The following ADCK1 variants were observed in gnomAD, a reference collection of about 807,000 sequenced individuals.
ADCK1 encodes the protein aarF domain-containing protein kinase 1.
A neutral mutation model predicts 52.3 loss-of-function variants in ADCK1; 41 were observed. The observed-to-expected ratio is 0.78, with a 90% CI of 0.61 to 1.02. ADCK1 has a LOEUF of 1.02. ADCK1 is among the 50% of genes least tolerant of loss of function. ADCK1 has a pLI of 0.00. For missense variants in ADCK1, 658 were observed against 679.5 expected (o/e 0.97, Z 0.35); for synonymous variants, 250 against 274.6 (o/e 0.91, Z 0.89).
chr14:77,916,308 G>A (rs2083923405), intron 7 of ADCK1, among the ~76,000 whole-genome samples: 1 of 151,920 alleles, frequency 6.6e-6, no homozygotes, highest in Admixed American at 6.6e-5. Context: ...TCTCTGGCCA[G>A]AGAGACTCAT....
In ADCK1 at chr14:77,907,784, C is replaced by T. The variant is rs2083700486; in HGVS notation, c.742-19C>T. Reference sequence around the variant, plus strand: ...TCCCAGCTTCCCCAGACCATCTGACCTGTCCCTTCCTATCCCAGGTCCCCC... The same window carrying T: ...TCCCAGCTTCCCCAGACCATCTGACTTGTCCCTTCCTATCCCAGGTCCCCC... On this transcript the variant is annotated intron_variant, in intron 6 of 10. Transcript: ENST00000238561. 6.3e-7 allele frequency: 1 copy of T among 1,597,164 alleles called. No individual in the cohort carries two copies. The highest frequency in any genetic ancestry group is 8.6e-7 in the Non-Finnish European group (1 of 1,166,718).
At position 77,907,851 on chromosome 14, in the gene ADCK1, G is replaced by C. The variant is rs1405928671; in HGVS notation, c.790G>C (p.Glu264Gln). The C allele has an allele frequency of 3.5e-5, 56 of 1,613,990 alleles. No individual in the cohort carries two copies. Among genetic ancestry groups the C allele is most frequent in the Non-Finnish European group, 4.7e-5 (56 of 1,180,008 alleles). ...DLSTERVLLM[E>Q]FVDGGQVNDR... is the part of the protein sequence containing the mutation. ...GTCCACGGAGCGGGTCCTCCTGATG[G>C]AGTTTGTGGATGGCGGGCAGGTCAA... is the stretch of plus-strand genomic sequence containing the variant. Residue 264 changes from glutamate (E) to glutamine (Q), a missense_variant, in exon 7 of 11, where the codon GAG becomes CAG. Transcript: ENST00000238561.
chr14:77,841,080 C>T (rs10132988), intron 3 of ADCK1, among the ~76,000 whole-genome samples: 68,296 of 152,150 alleles, frequency 0.45, 15,956 homozygotes, highest in African/African-American at 0.55. Context: ...CTGACTTCCA[C>T]AGTGACTGCA....
chr14:77,892,985 A>T (rs17826206), intron 5 of ADCK1, among the ~76,000 whole-genome samples: 5,502 of 152,262 alleles, frequency 0.036, 146 homozygotes, highest in South Asian at 0.065. Context: ...CTGTTGAAGG[A>T]TGGCAGGGAA....
At chr14:77,846,930 C>T (rs1278585701) in intron 3 of ADCK1, among the ~76,000 whole-genome samples, 1 of 152,054 alleles carries the variant, frequency 6.6e-6, no homozygotes, top group African/African-American at 2.4e-5. Context: ...GGATTTTGAG[C>T]CACACTGGGT....
chr14:77,906,944 C>A (rs572165079), intron 6 of ADCK1, among the ~76,000 whole-genome samples: 1 of 152,166 alleles, frequency 6.6e-6, no homozygotes, highest in African/African-American at 2.4e-5. Flanking sequence ...TGTTTTCAGA[C>A]AGGATCTTGC....
intron 9 of ADCK1, among the ~76,000 whole-genome samples, chr14:77,928,448 T>C (rs941479015): frequency 1.3e-5 from 2 of 148,534 alleles, no homozygotes; most frequent in African/African-American, 5.0e-5. Context: ...TTAACTAAGA[T>C]AGAATTTTGT....
At chr14:77,903,602 G>C (rs1016330153) in intron 6 of ADCK1, among the ~76,000 whole-genome samples, 1 of 152,172 alleles carries the variant, frequency 6.6e-6, no homozygotes, top group Admixed American at 6.5e-5. Flanking sequence ...CAAGTGGTAG[G>C]GTTTGTGACT....
At chr14:77,848,050 G>A (rs1357165005) in intron 3 of ADCK1, among the ~76,000 whole-genome samples, 1 of 152,174 alleles carries the variant, frequency 6.6e-6, no homozygotes, top group African/African-American at 2.4e-5. Context: ...CCACCTGGAT[G>A]TTTTTCTTCT....
chr14:77,931,722 G>A lies in ADCK1; in HGVS notation c.1400+11G>A. 1 of 1,597,654 alleles carries A rather than the reference G, an allele frequency of 6.3e-7. No homozygotes were observed. Among genetic ancestry groups the A allele is most frequent in the Non-Finnish European group, 8.5e-7 (1 of 1,177,208 alleles). ...CAGAGCGCTAGCTGAGTGAGTGTGG[G>A]CTCCTCCCTCTCCTCCCCTCCTAGC... On this transcript the variant is annotated intron_variant, in intron 10 of 10. Transcript: ENST00000238561.
intron 1 of ADCK1, among the ~76,000 whole-genome samples, chr14:77,807,692 A>G (rs2081260049): frequency 6.6e-6 from 1 of 151,512 alleles, no homozygotes; most frequent in Non-Finnish European, 1.5e-5. Context: ...TATTTTTAGT[A>G]GAGATGGGGT....
At chr14:77,802,581 T>C (rs2081133703) in intron 1 of ADCK1, among the ~76,000 whole-genome samples, 1 of 151,294 alleles carries the variant, frequency 6.6e-6, no homozygotes, top group Non-Finnish European at 1.5e-5. Flanking sequence ...CTCCCGGGAT[T>C]CCTTTATTTA....
intron 5 of ADCK1, among the ~76,000 whole-genome samples, chr14:77,894,599 TA>T (rs1316862986): frequency 6.6e-6 from 1 of 152,096 alleles, no homozygotes; most frequent in Non-Finnish European, 1.5e-5. Flanking sequence ...AGAAAAGGAT[TA>T]AATGAAAGTG....
intron 7 of ADCK1, among the ~76,000 whole-genome samples, chr14:77,922,063 AAATG>A (rs2084075073): frequency 6.6e-6 from 1 of 152,248 alleles, no homozygotes; most frequent in Non-Finnish European, 1.5e-5. Flanking sequence ...TGACAAATAA[AAATG>A]AATGATTACT....
chr14:77,898,620 A>C (rs957948268), intron 5 of ADCK1, among the ~76,000 whole-genome samples: 21 of 152,100 alleles, frequency 1.4e-4, no homozygotes, highest in African/African-American at 5.1e-4. Context: ...GGAGGGGAAC[A>C]ACACACCTGG....
At chr14:77,881,241 C>T (rs1484018238) in intron 4 of ADCK1, among the ~76,000 whole-genome samples, 1 of 152,196 alleles carries the variant, frequency 6.6e-6, no homozygotes, top group East Asian at 1.9e-4. Flanking sequence ...GGATTGTTTC[C>T]AAGACGGCTC....
chr14:77,821,561 T>G (rs1341469366), intron 2 of ADCK1, among the ~76,000 whole-genome samples: 4 of 152,104 alleles, frequency 2.6e-5, no homozygotes, highest in Non-Finnish European at 5.9e-5. Flanking sequence ...TGATTCACTC[T>G]GGATAAGGGA....
intron 1 of ADCK1, among the ~76,000 whole-genome samples, chr14:77,802,285 A>C (rs2139979481): frequency 6.6e-6 from 1 of 151,978 alleles, no homozygotes; most frequent in South Asian, 2.1e-4. Flanking sequence ...CTCCCGTTGG[A>C]AGCTCACTCT....
chr14:77,819,158 C>T, intron 2 of ADCK1, 45 bp downstream of exon 2: 1 of 1,610,888 alleles, frequency 6.2e-7, no homozygotes. Context: ...TGCAGGATTA[C>T]TTGCAGGTGT....
Sources: gnomAD v4.1 joint callset for allele counts (sites outside exome capture counted in the v4.1 genomes callset) on GRCh38, gnomAD v4.1.1 for gene constraint, MANE v1.5 for transcripts, NCBI Gene and HGNC (gene_info 2026-07-23, HGNC 2026-07-21) for gene names.